The following IL17B variants were observed in gnomAD, a reference collection of about 807,000 sequenced individuals.
IL17B encodes interleukin-17B.
In IL17B, 14 loss-of-function variants were observed where a neutral mutation model predicts 14.7. The observed-to-expected ratio is 0.95, with a 90% CI of 0.63 to 1.49. The LOEUF is 1.49. IL17B is among the 40% of genes most tolerant of loss of function. IL17B has a pLI of 0.00. For synonymous variants in IL17B, 105 were observed against 94.8 expected, an observed-to-expected ratio of 1.11 and a Z score of -0.62; for missense variants, 233 against 252.8, an observed-to-expected ratio of 0.92 and a Z score of 0.53.
At chr5:149,403,762 T>C (rs1211841748) in intron 1 of IL17B, among the ~76,000 whole-genome samples, 1 of 152,154 alleles carries the variant, frequency 6.6e-6, no homozygotes, top group African/African-American at 2.4e-5. Flanking sequence ...TCTGCTTGCA[T>C]TCCCTTAATA....
At chr5:149,387,647 A>G (rs556844956) in intron 1 of IL17B, among the ~76,000 whole-genome samples, 36 of 73,192 alleles carry the variant, frequency 4.9e-4, no homozygotes, top group African/African-American at 1.9e-3. Flanking sequence ...GGTGGCATGC[A>G]TCTGTAGTCC....
intron 1 of IL17B, among the ~76,000 whole-genome samples, chr5:149,378,457 G>A (rs1167976841): frequency 6.6e-6 from 1 of 152,164 alleles, no homozygotes. Flanking sequence ...CAGAGAGAAG[G>A]GACAGTGCCT....
intron 1 of IL17B, among the ~76,000 whole-genome samples, chr5:149,398,329 T>C (rs568814526): frequency 2.0e-5 from 3 of 152,356 alleles, no homozygotes; most frequent in Admixed American, 1.3e-4. Context: ...TGAGATTGTA[T>C]CTTGCAAGAT....
At chr5:149,402,014 G>C (rs1759213200) in intron 1 of IL17B, among the ~76,000 whole-genome samples, 1 of 152,170 alleles carries the variant, frequency 6.6e-6, no homozygotes, top group Non-Finnish European at 1.5e-5. Flanking sequence ...GAAACTTCAA[G>C]TGTTCAAGCC....
intron 1 of IL17B, among the ~76,000 whole-genome samples, chr5:149,393,040 CGTGT>C (rs1283821155): frequency 3.3e-5 from 5 of 151,426 alleles, no homozygotes; most frequent in South Asian, 4.2e-4. Flanking sequence ...CGTGTGTGTG[CGTGT>C]GTGTGCGCAT....
chr5:149,400,876 A>G (rs75148296), intron 1 of IL17B, among the ~76,000 whole-genome samples: 4,202 of 152,268 alleles, frequency 0.028, 92 homozygotes, highest in Non-Finnish European at 0.047. Context: ...AAGAAGACAC[A>G]TGTTCCAGCT....
intron 1 of IL17B, among the ~76,000 whole-genome samples, chr5:149,399,632 G>A (rs1219139499): frequency 6.6e-6 from 1 of 152,196 alleles, no homozygotes; most frequent in East Asian, 1.9e-4. Context: ...TGCTGTGTTT[G>A]TTGAGTGAAT....
At chr5:149,403,315 G>A (rs1017804654) in intron 1 of IL17B, among the ~76,000 whole-genome samples, 4 of 151,970 alleles carry the variant, frequency 2.6e-5, no homozygotes, top group Non-Finnish European at 5.9e-5. Flanking sequence ...CAAACTCCTG[G>A]GCTCAAGAGA....
At chr5:149,386,755 GT>G (rs1758834906) in intron 1 of IL17B, among the ~76,000 whole-genome samples, 1 of 152,216 alleles carries the variant, frequency 6.6e-6, no homozygotes, top group African/African-American at 2.4e-5. Flanking sequence ...CCAGGCTGGA[GT>G]GCACGGTGGT....
intron 1 of IL17B, among the ~76,000 whole-genome samples, chr5:149,387,687 G>A (rs572362469): frequency 3.6e-4 from 53 of 148,422 alleles, no homozygotes; most frequent in African/African-American, 1.2e-3. Flanking sequence ...GAGGCGAGAG[G>A]ATCACTTGAT....
chr5:149,377,069 C>T, intron 1 of IL17B, 44 bp from the exon 2 acceptor site: 1 of 1,484,256 alleles, frequency 6.7e-7, no homozygotes, highest in Middle Eastern at 1.8e-4. Context: ...AGCCAAGTCT[C>T]TATCTGGGCC....
chr5:149,391,725 G>A (rs1408941308), intron 1 of IL17B, among the ~76,000 whole-genome samples: 4 of 152,188 alleles, frequency 2.6e-5, no homozygotes, highest in African/African-American at 7.2e-5. Flanking sequence ...GTCAGTGGAG[G>A]AGGGTGATTG....
chr5:149,397,766 G>C (rs753539111), intron 1 of IL17B, among the ~76,000 whole-genome samples: 11 of 152,150 alleles, frequency 7.2e-5, no homozygotes, highest in Non-Finnish European at 1.5e-4. Context: ...ACCCTGGGAG[G>C]CTGGTAGCAT....
chr5:149,386,375 T>C (rs1406653396), intron 1 of IL17B, among the ~76,000 whole-genome samples: 1 of 152,144 alleles, frequency 6.6e-6, no homozygotes. Context: ...AGGCAGCAAC[T>C]CTGACACACA....
intron 1 of IL17B, among the ~76,000 whole-genome samples, chr5:149,391,222 T>C (rs1758945359): frequency 6.6e-6 from 1 of 152,166 alleles, no homozygotes; most frequent in Non-Finnish European, 1.5e-5. Context: ...CGTCTTGGCC[T>C]CCCAAACTGC....
intron 1 of IL17B, among the ~76,000 whole-genome samples, chr5:149,385,991 T>C (rs1391673278): frequency 6.6e-6 from 1 of 152,112 alleles, no homozygotes; most frequent in Non-Finnish European, 1.5e-5. Flanking sequence ...GGCTCATGGG[T>C]GGGGCAGAAA....
intron 1 of IL17B, among the ~76,000 whole-genome samples, chr5:149,392,515 G>A (rs758155306): frequency 2.1e-4 from 32 of 152,290 alleles, no homozygotes; most frequent in Non-Finnish European, 4.3e-4. Flanking sequence ...CCCCAAAAAT[G>A]CAGGGACTGT....
chr5:149,397,017 T>C (rs1759106711), intron 1 of IL17B, among the ~76,000 whole-genome samples: 1 of 152,206 alleles, frequency 6.6e-6, no homozygotes, highest in Non-Finnish European at 1.5e-5. Flanking sequence ...TCTTCACTTC[T>C]TTGATATTTG....
intron 1 of IL17B, among the ~76,000 whole-genome samples, chr5:149,400,108 C>T (rs564052515): frequency 6.6e-6 from 1 of 152,240 alleles, no homozygotes; most frequent in East Asian, 1.9e-4. Flanking sequence ...TCCTCAACAC[C>T]TCAGAATTTG....
Sources: allele counts gnomAD v4.1 joint callset (sites outside exome capture counted in the v4.1 genomes callset), GRCh38; gene constraint gnomAD v4.1.1; transcripts MANE v1.5; gene names NCBI Gene and HGNC (gene_info 2026-07-23, HGNC 2026-07-21).